The following DRC11 variants were observed in gnomAD, a reference collection of about 807,000 sequenced individuals.
DRC11 encodes dynein regulatory complex subunit 11.
chr2:236,357,087 ATT>A, the DRC11 span, among the ~76,000 whole-genome samples: 4,000 of 52,524 alleles, frequency 0.076, 604 homozygotes, highest in African/African-American at 0.088. Flanking sequence ...ATATCTATAT[ATT>A]TTATATATTC....
At chr2:236,471,482 A>G in the DRC11 span, among the ~76,000 whole-genome samples, 1 of 152,190 alleles carries the variant, frequency 6.6e-6, no homozygotes, top group African/African-American at 2.4e-5. The surrounding 1 kb of genome is among the most constrained non-coding windows in gnomAD (Gnocchi z 4.6). Context: ...TGCTAACTTA[A>G]ATAGGTAAAA....
the DRC11 span, among the ~76,000 whole-genome samples, chr2:236,388,674 TCTCC>T: frequency 2.0e-5 from 3 of 150,802 alleles, no homozygotes; most frequent in Non-Finnish European, 4.4e-5. Context: ...TCAAAGTCAT[TCTCC>T]ATCCAGCTTT....
the DRC11 span, among the ~76,000 whole-genome samples, chr2:236,397,669 G>C: frequency 3.9e-5 from 6 of 152,362 alleles, no homozygotes; most frequent in Non-Finnish European, 7.3e-5. The surrounding 1 kb of genome is among the most constrained non-coding windows in gnomAD (Gnocchi z 5.0). Context: ...ATGATGATAT[G>C]CAAAGCAGAG....
chr2:236,412,597 TC>T, the DRC11 span: 1 of 152,204 alleles, frequency 6.6e-6, no homozygotes, highest in Admixed American at 6.6e-5. Flanking sequence ...TAATCTTACC[TC>T]TGTTCCACTC....
the DRC11 span, among the ~76,000 whole-genome samples, chr2:236,491,187 AG>A: frequency 6.8e-5 from 3 of 44,316 alleles, no homozygotes; most frequent in East Asian, 3.3e-4. Flanking sequence ...ATATACACAC[AG>A]TATATATATA....
chr2:236,426,638 C>T, the DRC11 span, among the ~76,000 whole-genome samples: 13 of 152,272 alleles, frequency 8.5e-5, no homozygotes, highest in African/African-American at 2.9e-4. This position sits in a 1 kb window ranked among gnomAD's most constrained non-coding sequence, Gnocchi z 4.1. Flanking sequence ...AAAACCTGTG[C>T]TAAAGTGATC....
At chr2:236,445,953 T>C in the DRC11 span, among the ~76,000 whole-genome samples, 1 of 152,172 alleles carries the variant, frequency 6.6e-6, no homozygotes, top group African/African-American at 2.4e-5. This position sits in a 1 kb window ranked among gnomAD's most constrained non-coding sequence, Gnocchi z 4.8. Flanking sequence ...CTTGGACCCC[T>C]GCTGTGCGAT....
the DRC11 span, among the ~76,000 whole-genome samples, chr2:236,386,282 C>T: frequency 6.6e-6 from 1 of 151,092 alleles, no homozygotes; most frequent in Admixed American, 6.6e-5. Flanking sequence ...GCTGTGAATC[C>T]ATCTGGTCCT....
At chr2:236,364,611 C>T in the DRC11 span, among the ~76,000 whole-genome samples, 1 of 152,168 alleles carries the variant, frequency 6.6e-6, no homozygotes, top group African/African-American at 2.4e-5. Context: ...TTCTCCACCA[C>T]ACTGTCAATT....
chr2:236,338,727 C>T, the DRC11 span, among the ~76,000 whole-genome samples: 1 of 152,144 alleles, frequency 6.6e-6, no homozygotes, highest in East Asian at 1.9e-4. Context: ...CTCCCATTTT[C>T]CTAAGTTGTT....
chr2:236,342,207 G>A, the DRC11 span, among the ~76,000 whole-genome samples: 76 of 152,322 alleles, frequency 5.0e-4, no homozygotes, highest in African/African-American at 1.7e-3. The surrounding 1 kb of genome is among the most constrained non-coding windows in gnomAD (Gnocchi z 5.8). Context: ...TATGGCACCC[G>A]TAGCTGGTGG....
the DRC11 span, among the ~76,000 whole-genome samples, chr2:236,473,082 ATTTT>A: frequency 9.8e-3 from 1,499 of 152,314 alleles, 35 homozygotes; most frequent in African/African-American, 0.034. This position sits in a 1 kb window ranked among gnomAD's most constrained non-coding sequence, Gnocchi z 4.8. Context: ...TGAGAATAAT[ATTTT>A]TTTAAATAAA....
chr2:236,351,915 G>C, the DRC11 span, among the ~76,000 whole-genome samples: 1 of 152,182 alleles, frequency 6.6e-6, no homozygotes, highest in Non-Finnish European at 1.5e-5. The surrounding 1 kb of genome is among the most constrained non-coding windows in gnomAD (Gnocchi z 7.3). Flanking sequence ...AGCAGGGCAG[G>C]CAGGGAGGGC....
the DRC11 span, among the ~76,000 whole-genome samples, chr2:236,354,350 T>TG: frequency 4.3e-4 from 66 of 152,152 alleles, no homozygotes; most frequent in African/African-American, 1.4e-3. Context: ...CATGTGTGTG[T>TG]GTGGGGGGCA....
At chr2:236,310,475 G>C in the DRC11 span, among the ~76,000 whole-genome samples, 2 of 152,158 alleles carry the variant, frequency 1.3e-5, no homozygotes, top group Admixed American at 1.3e-4. This position sits in a 1 kb window ranked among gnomAD's most constrained non-coding sequence, Gnocchi z 5.5. Flanking sequence ...TTTCCCCTGT[G>C]TATGTGTGAG....
At chr2:236,369,933 G>T in the DRC11 span, among the ~76,000 whole-genome samples, 1 of 152,280 alleles carries the variant, frequency 6.6e-6, no homozygotes, top group East Asian at 1.9e-4. This position sits in a 1 kb window ranked among gnomAD's most constrained non-coding sequence, Gnocchi z 4.5. Flanking sequence ...AGATCAAGAG[G>T]GCAGAAAACC....
At chr2:236,356,906 TATATATTATATATATTC>T in the DRC11 span, among the ~76,000 whole-genome samples, 15 of 128,434 alleles carry the variant, frequency 1.2e-4, no homozygotes, top group African/African-American at 4.6e-4. Flanking sequence ...TATGTATATT[TATATATTATATATATTC>T]ATATATATTT....
chr2:236,489,641 G>A, the DRC11 span, among the ~76,000 whole-genome samples: 1 of 152,278 alleles, frequency 6.6e-6, no homozygotes, highest in East Asian at 1.9e-4. Flanking sequence ...CACCAAAGAG[G>A]CCAGGCACAG....
At chr2:236,449,982 C>T in the DRC11 span, among the ~76,000 whole-genome samples, 1 of 152,110 alleles carries the variant, frequency 6.6e-6, no homozygotes, top group African/African-American at 2.4e-5. This position sits in a 1 kb window ranked among gnomAD's most constrained non-coding sequence, Gnocchi z 5.1. Flanking sequence ...CAGAGACAGG[C>T]GAGAAGCTGT....
Sources: gnomAD v4.1 joint callset for allele counts (sites outside exome capture counted in the v4.1 genomes callset) on GRCh38, gnomAD v4.1.1 for gene constraint, Gnocchi (gnomAD v3.1) non-coding constraint, MANE v1.5 for transcripts, NCBI Gene and HGNC (gene_info 2026-07-23, HGNC 2026-07-21) for gene names.